Variants in FOXP2 observed in about 807,000 individuals in gnomAD.
FOXP2 encodes the protein forkhead box P2.
FOXP2 carries 12 observed loss-of-function variants against 115.8 expected under a neutral mutation model. That is an observed-to-expected ratio of 0.10 (90% CI 0.07 to 0.17). FOXP2 has a LOEUF of 0.17. Among genes scored for constraint, FOXP2 ranks in the 10% least tolerant of loss-of-function variants. The probability of loss-of-function intolerance (pLI) is 1.00; values close to 1 mark genes in which losing one functional copy is unlikely to be tolerated. For missense variants in FOXP2, 629 were observed against 843.5 expected (o/e 0.75, Z 3.15); for synonymous variants, 328 against 297.7 (o/e 1.10, Z -1.05).
At chr7:114,491,503 T>G (rs1797052111) in intron 2 of FOXP2, among the ~76,000 whole-genome samples, 1 of 151,888 alleles carries the variant, frequency 6.6e-6, no homozygotes, top group South Asian at 2.1e-4. Context: ...AGAAGCTCTT[T>G]AGTTTAATTA....
intron 2 of FOXP2, among the ~76,000 whole-genome samples, chr7:114,359,630 A>G (rs994500704): frequency 6.6e-6 from 1 of 152,244 alleles, no homozygotes; most frequent in African/African-American, 2.4e-5. Flanking sequence ...TTGGATCAGC[A>G]TGACCTGGAT....
intron 10 of FOXP2, among the ~76,000 whole-genome samples, chr7:114,655,473 G>A (rs1186739987): frequency 6.6e-6 from 1 of 152,098 alleles, no homozygotes; most frequent in African/African-American, 2.4e-5. Context: ...CAGAATCTTA[G>A]ATGAGCGATT....
chr7:114,588,135 C>A (rs1290203490), intron 3 of FOXP2, among the ~76,000 whole-genome samples: 3 of 151,608 alleles, frequency 2.0e-5, no homozygotes, highest in South Asian at 4.2e-4. Context: ...TGGTGAGACC[C>A]CATCTCTACT....
At chr7:114,379,843 C>G (rs1442684890) in intron 2 of FOXP2, among the ~76,000 whole-genome samples, 1 of 152,068 alleles carries the variant, frequency 6.6e-6, no homozygotes, top group Admixed American at 6.5e-5. Context: ...CTATCAATGC[C>G]TAAGTGGAAG....
At chr7:114,330,328 A>G (rs928032247) in intron 2 of FOXP2, among the ~76,000 whole-genome samples, 1 of 151,960 alleles carries the variant, frequency 6.6e-6, no homozygotes, top group Non-Finnish European at 1.5e-5. Context: ...AAAGTTCATA[A>G]CTGAAGGAGA....
In FOXP2 at chr7:114,234,623, G is replaced by C. The variant is rs190406549; in HGVS notation, c.-101-53396G>C. Among the ~76,000 whole-genome samples the C allele has an allele frequency of 2.0e-5, 3 of 152,252 alleles. No individual in the cohort carries two copies. The East Asian group carries it at 5.8e-4, about 29-fold the overall frequency. On this transcript the variant is annotated intron_variant, in intron 1 of 17. Coordinates refer to the FOXP2 transcript ENST00000634411. ...ATGATTTTGTTTTAATTTCTTACAT[G>C]AAAGATGAAACAGCCAAGGCTCTGA...
At chr7:114,372,465 C>T (rs1457120328) in intron 2 of FOXP2, among the ~76,000 whole-genome samples, 2 of 152,054 alleles carry the variant, frequency 1.3e-5, no homozygotes, top group East Asian at 1.9e-4. Flanking sequence ...GGGGAAAGAA[C>T]GGGGAAGAGG....
At chr7:114,641,962 C>A (rs1805558334) in intron 6 of FOXP2, among the ~76,000 whole-genome samples, 1 of 151,908 alleles carries the variant, frequency 6.6e-6, no homozygotes, top group Non-Finnish European at 1.5e-5. Context: ...TGTGACATCA[C>A]ACCCAGCTCA....
intron 2 of FOXP2, among the ~76,000 whole-genome samples, chr7:114,302,344 T>G (rs936637517): frequency 6.6e-6 from 1 of 152,158 alleles, no homozygotes; most frequent in Non-Finnish European, 1.5e-5. Context: ...AATTTATATA[T>G]ATGTACAAAT....
intron 2 of FOXP2, among the ~76,000 whole-genome samples, chr7:114,515,720 T>C (rs1171275995): frequency 6.6e-6 from 1 of 152,130 alleles, no homozygotes; most frequent in Non-Finnish European, 1.5e-5. Flanking sequence ...CTCTTTAGTT[T>C]AATTAGATCC....
At chr7:114,566,700 A>C (rs920904414) in intron 3 of FOXP2, among the ~76,000 whole-genome samples, 3 of 152,128 alleles carry the variant, frequency 2.0e-5, no homozygotes, top group Non-Finnish European at 4.4e-5. Flanking sequence ...ACATAAATGT[A>C]CTAAGACAAC....
chr7:114,371,063 TATTC>T (rs1791992364), intron 2 of FOXP2, among the ~76,000 whole-genome samples: 1 of 152,160 alleles, frequency 6.6e-6, no homozygotes, highest in Non-Finnish European at 1.5e-5. Flanking sequence ...TAAATAAGCA[TATTC>T]CTTATCTCAA....
chr7:114,449,840 A>G (rs1794994559), intron 2 of FOXP2, among the ~76,000 whole-genome samples: 1 of 152,124 alleles, frequency 6.6e-6, no homozygotes, highest in Non-Finnish European at 1.5e-5. Context: ...CTAGATTAAC[A>G]GAAATGATTT....
intron 2 of FOXP2, among the ~76,000 whole-genome samples, chr7:114,528,847 T>C (rs1358543027): frequency 1.3e-5 from 2 of 151,456 alleles, no homozygotes; most frequent in African/African-American, 4.8e-5. Flanking sequence ...AATAATAAAA[T>C]GTTTTATAGC....
At chr7:114,434,130 T>C (rs1312804543) in intron 2 of FOXP2, among the ~76,000 whole-genome samples, 2 of 151,972 alleles carry the variant, frequency 1.3e-5, no homozygotes, top group East Asian at 3.8e-4. Flanking sequence ...CTAGTTTCTC[T>C]TTATTCACTC....
chr7:114,294,044 T>C (rs1327829360), intron 2 of FOXP2, among the ~76,000 whole-genome samples: 1 of 152,178 alleles, frequency 6.6e-6, no homozygotes, highest in Non-Finnish European at 1.5e-5. Context: ...TAACAGTCTA[T>C]GAAATATGAT....
chr7:114,214,213 G>A (rs1172924655), intron 1 of FOXP2, among the ~76,000 whole-genome samples: 1 of 151,942 alleles, frequency 6.6e-6, no homozygotes, highest in Non-Finnish European at 1.5e-5. Context: ...TTTTACTTAG[G>A]CACAGAGAGA....
At chr7:114,197,895 C>T (rs897356369) in intron 1 of FOXP2, among the ~76,000 whole-genome samples, 31 of 150,776 alleles carry the variant, frequency 2.1e-4, no homozygotes, top group African/African-American at 6.1e-4. Context: ...GACAGGGTCT[C>T]ACTCTGTCAC....
At chr7:114,636,498 G>A (rs181833663) in intron 6 of FOXP2, among the ~76,000 whole-genome samples, 5 of 151,812 alleles carry the variant, frequency 3.3e-5, no homozygotes, top group South Asian at 2.1e-4. Flanking sequence ...AATAAGTAGC[G>A]TATCACTAAA....
Sources: gnomAD v4.1 joint callset for allele counts (sites outside exome capture counted in the v4.1 genomes callset) on GRCh38, gnomAD v4.1.1 for gene constraint, MANE v1.5 for transcripts, NCBI Gene and HGNC (gene_info 2026-07-23, HGNC 2026-07-21) for gene names.